SPPL3: variants seen among roughly 807,000 people sequenced by gnomAD.
The protein encoded by SPPL3 is signal peptide peptidase like 3, also known as signal peptide peptidase-like 3.
SPPL3 carries 5 observed loss-of-function variants against 42.4 expected under a neutral mutation model. The observed-to-expected ratio is 0.12, with a 90% CI of 0.06 to 0.25. The LOEUF is 0.25. Ranked by LOEUF, SPPL3 falls within the 10% of genes least tolerant of loss-of-function variation. The probability of loss-of-function intolerance (pLI) is 1.00; values close to 1 mark genes in which losing one functional copy is unlikely to be tolerated. For missense variants in SPPL3, 235 were observed against 489.0 expected (o/e 0.48, Z 4.90); for synonymous variants, 195 against 181.8 (o/e 1.07, Z -0.58).
rs1488076641 is a variant in SPPL3, at chr12:120,764,283, C to A, written c.*716G>T. The A allele has an allele frequency of 1.3e-5, 2 of 152,238 alleles. No individual in the cohort carries two copies. The highest frequency in any genetic ancestry group is 4.8e-5 in the African/African-American group (2 of 41,256). 9.4% of individuals were successfully genotyped at this position (152,238 alleles called of 1,614,324 possible). ...ACACAGCGTGATCTTAGCAGGATTT[C>A]ATTTTTGTTTATTCATATATATCTA... On this transcript the variant is annotated 3_prime_UTR_variant, in exon 11 of 11. Coordinates refer to ENST00000353487, the MANE Select transcript of SPPL3 (RefSeq NM_139015.5).
intron 2 of SPPL3, among the ~76,000 whole-genome samples, chr12:120,806,533 A>G (rs1363999278): frequency 6.6e-6 from 1 of 152,196 alleles, no homozygotes; most frequent in Non-Finnish European, 1.5e-5. Flanking sequence ...TGTAAGAAGC[A>G]AAACTATAAA....
In SPPL3 at chr12:120,852,892, T is replaced by TATAATATATACATATCATATATATTTC. The variant is rs1336565820; in HGVS notation, c.24-42007_24-42006insGAAATATATATGATATGTATATATTAT. ...ATATATACATATCATATATATTTCA[T>TATAATATATACATATCATATATATTTC]ATATATATATATATTTTTTAAGATG... On this transcript the variant is annotated intron_variant, in intron 1 of 10. Coordinates refer to ENST00000353487, the MANE Select transcript of SPPL3 (RefSeq NM_139015.5). 2.2e-4 allele frequency among the ~76,000 whole-genome samples: 23 copies of TATAATATATACATATCATATATATTTC among 106,936 alleles called. 4 individuals are homozygous for TATAATATATACATATCATATATATTTC. The highest frequency in any genetic ancestry group is 2.1e-3 in the Admixed American group (18 of 8,724). 70.2% of individuals were successfully genotyped at this position (106,936 alleles called of 152,430 possible). A position where few individuals can be genotyped will look rare whatever the true frequency, so the allele number is the denominator to read the frequency against.
chr12:120,776,339 T>G (rs1241852877), intron 6 of SPPL3, among the ~76,000 whole-genome samples: 1 of 152,196 alleles, frequency 6.6e-6, no homozygotes, highest in East Asian at 1.9e-4. Flanking sequence ...GAAAAAAGTT[T>G]GTTCTTTATG....
intron 1 of SPPL3, among the ~76,000 whole-genome samples, chr12:120,862,747 A>T (rs1398555640): frequency 1.3e-5 from 2 of 152,130 alleles, no homozygotes; most frequent in African/African-American, 2.4e-5. Context: ...TTACACAGGC[A>T]TGATTGATTA....
At chr12:120,784,240 C>T (rs1200634705) in intron 4 of SPPL3, 3 of 336,674 alleles carry the variant, frequency 8.9e-6, no homozygotes, top group South Asian at 4.5e-5. Flanking sequence ...TGCACTTTGA[C>T]GTCTCCAGCC....
intron 1 of SPPL3, among the ~76,000 whole-genome samples, chr12:120,870,829 G>C (rs1280929521): frequency 6.6e-6 from 1 of 152,034 alleles, no homozygotes; most frequent in Non-Finnish European, 1.5e-5. Flanking sequence ...TCAGTGAGAG[G>C]AAAATGAAGG....
At chr12:120,770,764 T>C (rs909193440) in intron 6 of SPPL3, among the ~76,000 whole-genome samples, 3 of 152,200 alleles carry the variant, frequency 2.0e-5, no homozygotes, top group Non-Finnish European at 1.5e-5. Flanking sequence ...ATCTCAAGGC[T>C]CTTGACACTA....
intron 6 of SPPL3, among the ~76,000 whole-genome samples, 158 bp downstream of exon 6, chr12:120,782,497 G>C (rs2136978221): frequency 6.6e-6 from 1 of 152,326 alleles, no homozygotes; most frequent in East Asian, 1.9e-4. Context: ...TGGGGAGGTG[G>C]GTAAGGGGAA....
chr12:120,855,694 CAAA>C (rs112178601), intron 1 of SPPL3, among the ~76,000 whole-genome samples: 1 of 138,410 alleles, frequency 7.2e-6, no homozygotes. Context: ...GACTCCATCT[CAAA>C]AAAAAAAAAG....
chr12:120,839,955 T>C (rs990603942), intron 1 of SPPL3, among the ~76,000 whole-genome samples: 40 of 151,982 alleles, frequency 2.6e-4, no homozygotes, highest in African/African-American at 9.4e-4. Context: ...TTGTGCTATA[T>C]CCATGCAATG....
chr12:120,780,101 C>A (rs1018216466), intron 6 of SPPL3, among the ~76,000 whole-genome samples: 1 of 151,264 alleles, frequency 6.6e-6, no homozygotes, highest in Non-Finnish European at 1.5e-5. Context: ...CTTGTAATCC[C>A]AGTGCTTTGT....
intron 1 of SPPL3, among the ~76,000 whole-genome samples, chr12:120,860,552 CATT>C (rs1051133153): frequency 4.6e-5 from 7 of 152,066 alleles, no homozygotes; most frequent in Non-Finnish European, 2.9e-5. Context: ...GTTTAAACCT[CATT>C]ATAGCAATTT....
intron 2 of SPPL3, among the ~76,000 whole-genome samples, chr12:120,808,086 CTTTTTTTTT>C (rs63135760): frequency 7.5e-6 from 1 of 132,808 alleles, no homozygotes; most frequent in African/African-American, 2.9e-5. Flanking sequence ...AGTTTCTTTT[CTTTTTTTTT>C]TTTTTTTGTT....
At chr12:120,766,986 C>T (rs1868934596) in intron 9 of SPPL3, among the ~76,000 whole-genome samples, 1 of 152,238 alleles carries the variant, frequency 6.6e-6, no homozygotes, top group Non-Finnish European at 1.5e-5. Flanking sequence ...TGTCTGCCTA[C>T]ACATGAGCTG....
chr12:120,805,905 A>T (rs1169427042), intron 2 of SPPL3, among the ~76,000 whole-genome samples: 1 of 152,100 alleles, frequency 6.6e-6, no homozygotes, highest in Non-Finnish European at 1.5e-5. Flanking sequence ...ACGGAGACAC[A>T]TTCCACATCC....
intron 1 of SPPL3, 113 bp downstream of exon 1, chr12:120,903,732 G>GCCCCC: frequency 8.1e-5 from 31 of 385,002 alleles, no homozygotes; most frequent in Admixed American, 1.6e-4. Context: ...CCCAACCCGC[G>GCCCCC]CCCCCCCCCC....
intron 1 of SPPL3, among the ~76,000 whole-genome samples, chr12:120,834,207 G>A (rs564202085): frequency 1.3e-5 from 2 of 152,178 alleles, no homozygotes; most frequent in South Asian, 2.1e-4. Flanking sequence ...ACAGACAATC[G>A]AGAGAGAATG....
At chr12:120,842,244 CCT>C (rs1419382629) in intron 1 of SPPL3, among the ~76,000 whole-genome samples, 1 of 152,024 alleles carries the variant, frequency 6.6e-6, no homozygotes, top group East Asian at 1.9e-4. Context: ...ATAAACATCC[CCT>C]GAAGGTGTAC....
chr12:120,879,368 G>C (rs1873213014), intron 1 of SPPL3, among the ~76,000 whole-genome samples: 1 of 152,012 alleles, frequency 6.6e-6, no homozygotes, highest in Admixed American at 6.6e-5. Flanking sequence ...TCTTCACCTA[G>C]TTAGGATTTA....
Sources: allele counts gnomAD v4.1 joint callset (sites outside exome capture counted in the v4.1 genomes callset), GRCh38; gene constraint gnomAD v4.1.1; transcripts MANE v1.5; gene names NCBI Gene and HGNC (gene_info 2026-07-23, HGNC 2026-07-21).